MAGT1: variants seen among roughly 807,000 people sequenced by gnomAD.
MAGT1 encodes dolichyl-diphosphooligosaccharide--protein glycosyltransferase subunit MAGT1.
Under a neutral mutation model 28.4 loss-of-function variants are expected in MAGT1, and 4 were observed. That is an observed-to-expected ratio of 0.14 (90% CI 0.07 to 0.32). The LOEUF (loss-of-function observed/expected upper bound fraction) is 0.32, where lower values mean the gene tolerates loss of function less well. Among genes scored for constraint, MAGT1 ranks in the 10% least tolerant of loss-of-function variants. The pLI is 1.00. For synonymous variants in MAGT1, 89 were observed against 89.7 expected, an observed-to-expected ratio of 0.99 and a Z score of 0.04; for missense variants, 193 against 264.5, an observed-to-expected ratio of 0.73 and a Z score of 1.88.
At chrX:77,855,698 T>G in intron 5 of MAGT1, 108 bp from the exon 6 acceptor site, 1 of 554,782 alleles carries the variant, frequency 1.8e-6, no homozygotes, top group Non-Finnish European at 2.9e-6. Flanking sequence ...ATAGAATTTT[T>G]TGCAGATAAA....
chrX:77,881,284 T>C (rs1361021839), intron 1 of MAGT1, among the ~76,000 whole-genome samples: 1 of 111,178 alleles, frequency 9.0e-6, no homozygotes, highest in Non-Finnish European at 1.9e-5. Flanking sequence ...ATATTTATTA[T>C]ACTTTAAGTT....
At chrX:77,848,248 A>G (rs2076957642) in intron 7 of MAGT1, among the ~76,000 whole-genome samples, 1 of 112,685 alleles carries the variant, frequency 8.9e-6, no homozygotes, top group Non-Finnish European at 1.9e-5. Flanking sequence ...AGTGAGGAAT[A>G]CAAACAATGA....
chrX:77,856,799 A>G lies in MAGT1; in HGVS notation c.606T>C (p.Leu202=). ...CCATATTACTTCTTCGAAGATACAC[A>G]AGTCCACCAATAACAGCCAAAAGCA... The part of the protein sequence containing the change: ...LGLLLAVIGG[L]VYLRRSNMEF... The change falls in exon 5 of 10, where the codon CTT becomes CTC. Residue 202 remains leucine, a synonymous_variant. Transcript: ENST00000618282. 8.3e-7 allele frequency: 1 copy of G among 1,205,625 alleles called. No homozygotes were observed. The highest frequency in any genetic ancestry group is 1.1e-6 in the Non-Finnish European group (1 of 890,039).
At position 77,889,670 on chromosome X, in the gene MAGT1, C is replaced by T. The variant is rs2077076994; in HGVS notation, c.102+5639G>A. ...ATAGGTGTGAGCCACTGTGCCCGGC[C>T]TTAGGTGTATATATTTATGAAGTAC... is the stretch of plus-strand genomic sequence containing the variant. On this transcript the variant is annotated intron_variant, in intron 1 of 9. Coordinates refer to ENST00000618282, the MANE Select transcript of MAGT1 (RefSeq NM_001367916.1). Among the ~76,000 whole-genome samples, 4 of 110,653 alleles carry T rather than the reference C, an allele frequency of 3.6e-5. No individual in the cohort carries two copies. The South Asian group carries it at 1.1e-3, about 32-fold the overall frequency.
rs782304046 is a variant in MAGT1, at chrX:77,832,282, C to A, written c.902-1387G>T. On this transcript the variant is annotated intron_variant, in intron 8 of 9. Coordinates refer to ENST00000618282, the MANE Select transcript of MAGT1 (RefSeq NM_001367916.1). ...GATAGGGATGTAGGGAAGCATGTGT[C>A]CAACAGCAAAGGAAGCTCTAGGGCA... Among the ~76,000 whole-genome samples, 7 of 111,366 alleles carry A rather than the reference C, an allele frequency of 6.3e-5. No homozygotes were observed. The South Asian group carries it at 2.6e-3, about 42-fold the overall frequency.
intron 8 of MAGT1, among the ~76,000 whole-genome samples, chrX:77,835,885 C>T (rs1246468668): frequency 9.0e-6 from 1 of 111,373 alleles, no homozygotes; most frequent in Non-Finnish European, 1.9e-5. Flanking sequence ...CTCACTTCAA[C>T]CTCTGCCTTC....
chrX:77,870,431 A>G (rs782115133), intron 3 of MAGT1, among the ~76,000 whole-genome samples: 1 of 111,201 alleles, frequency 9.0e-6, no homozygotes, highest in Non-Finnish European at 1.9e-5. Flanking sequence ...AAAAAGAGGT[A>G]AGGGGATAAA....
chrX:77,826,110 T>C lies in MAGT1; in HGVS notation c.*3110A>G, dbSNP rs142416748. On this transcript the variant is annotated 3_prime_UTR_variant, in exon 10 of 10. Transcript: ENST00000618282. ...AGATCAATTGTTGCAAACAGTCATT[T>C]ATCTACTCATCTTGGTTGTTTTGAC... Among the ~76,000 whole-genome samples, 3,168 of 112,432 alleles carry C rather than the reference T, an allele frequency of 0.028. 113 individuals are homozygous for C. Among genetic ancestry groups the C allele is most frequent in the African/African-American group, 0.098 (3,033 of 30,959 alleles).
chrX:77,863,697 T>C (rs2149021001), intron 3 of MAGT1, among the ~76,000 whole-genome samples: 1 of 111,604 alleles, frequency 9.0e-6, no homozygotes, highest in African/African-American at 3.2e-5. Context: ...AACCTAAGCA[T>C]CCATCAACAG....
intron 1 of MAGT1, among the ~76,000 whole-genome samples, chrX:77,891,800 G>A (rs782403830): frequency 9.0e-6 from 1 of 111,675 alleles, no homozygotes; most frequent in East Asian, 2.8e-4. Flanking sequence ...AGAAAAATAA[G>A]TCCACGTTCC....
intron 7 of MAGT1, among the ~76,000 whole-genome samples, chrX:77,847,195 A>C (rs1424660782): frequency 8.9e-6 from 1 of 112,414 alleles, no homozygotes; most frequent in Non-Finnish European, 1.9e-5. Context: ...CTGTGCTAGC[A>C]ATGAGCGAGG....
intron 7 of MAGT1, among the ~76,000 whole-genome samples, chrX:77,850,762 T>G (rs1244857770): frequency 2.7e-5 from 3 of 111,126 alleles, no homozygotes; most frequent in Non-Finnish European, 5.7e-5. Flanking sequence ...TTCTAATTTC[T>G]TAAACTTCTT....
chrX:77,894,912 T>C (rs187955419), intron 1 of MAGT1, among the ~76,000 whole-genome samples: 1 of 111,894 alleles, frequency 8.9e-6, no homozygotes, highest in East Asian at 2.8e-4. Flanking sequence ...ATGAAAATGC[T>C]AGAAAATAGA....
At chrX:77,855,043 T>C (rs2076977914) in intron 6 of MAGT1, among the ~76,000 whole-genome samples, 1 of 111,694 alleles carries the variant, frequency 9.0e-6, no homozygotes, top group African/African-American at 3.2e-5. Context: ...CGGTGGCTCA[T>C]GCCTGCAGGC....
At chrX:77,849,249 G>A (rs1163745513) in intron 7 of MAGT1, among the ~76,000 whole-genome samples, 2 of 107,960 alleles carry the variant, frequency 1.9e-5, no homozygotes, top group Non-Finnish European at 3.8e-5. Context: ...GTTAATTTAT[G>A]TACTTTTTTT....
chrX:77,882,275 A>G (rs1244781588), intron 1 of MAGT1, among the ~76,000 whole-genome samples: 2 of 111,834 alleles, frequency 1.8e-5, no homozygotes, highest in East Asian at 5.6e-4. Flanking sequence ...CCTATTCAAC[A>G]TAGTGTTGGA....
rs372113101 is a variant in MAGT1 at position 77,839,891 on chromosome X, C to T, written c.901+1355G>A. On this transcript the variant is annotated intron_variant, in intron 8 of 9. Coordinates refer to ENST00000618282, the MANE Select transcript of MAGT1 (RefSeq NM_001367916.1). ...CGAACTCCTGACCTCAAGTGATCCA[C>T]CCGCCTCGGTCTCCCAAAGTGCCAG... 5.4e-5 allele frequency among the ~76,000 whole-genome samples: 6 copies of T among 110,547 alleles called. 1 individual carries two copies. The East Asian group carries it at 1.1e-3, about 21-fold the overall frequency.
intron 7 of MAGT1, 132 bp downstream of exon 7, chrX:77,853,769 T>C: frequency 1.8e-6 from 1 of 565,948 alleles, no homozygotes; most frequent in East Asian, 3.4e-5. Flanking sequence ...GAGAGGATGA[T>C]ACAGTAATGA....
chrX:77,875,844 G>A (rs782108143), intron 1 of MAGT1, among the ~76,000 whole-genome samples: 4 of 109,744 alleles, frequency 3.6e-5, no homozygotes, highest in East Asian at 2.9e-4. Flanking sequence ...ATGAATAAAC[G>A]AATGAATGAC....
Sources: allele counts gnomAD v4.1 joint callset (sites outside exome capture counted in the v4.1 genomes callset), GRCh38; gene constraint gnomAD v4.1.1; transcripts MANE v1.5; gene names NCBI Gene and HGNC (gene_info 2026-07-23, HGNC 2026-07-21).